NTM: variants seen among roughly 807,000 people sequenced by gnomAD.
NTM encodes the protein IgLON family member 2.
Under a neutral mutation model 42.1 loss-of-function variants are expected in NTM, and 13 were observed. The observed-to-expected ratio is 0.31, with a 90% CI of 0.20 to 0.49. The LOEUF is 0.49. Ranked by LOEUF, NTM falls within the 20% of genes least tolerant of loss-of-function variation. The probability of loss-of-function intolerance (pLI) is 0.99; values close to 1 mark genes in which losing one functional copy is unlikely to be tolerated. For missense variants in NTM, 373 were observed against 452.8 expected (o/e 0.82, Z 1.60); for synonymous variants, 187 against 179.2 (o/e 1.04, Z -0.35).
chr11:132,314,104 T>C (rs1363316567), intron 6 of NTM, among the ~76,000 whole-genome samples: 3 of 149,768 alleles, frequency 2.0e-5, no homozygotes, highest in Non-Finnish European at 4.5e-5. Flanking sequence ...AACATTTTTC[T>C]TTCAAATTCC....
intron 1 of NTM, among the ~76,000 whole-genome samples, chr11:131,829,738 T>C (rs2042576605): frequency 6.6e-6 from 1 of 152,176 alleles, no homozygotes; most frequent in African/African-American, 2.4e-5. Flanking sequence ...TAGTTCTTAG[T>C]TCTTTCAGAA....
chr11:131,859,528 G>A (rs2046413702), intron 1 of NTM, among the ~76,000 whole-genome samples: 1 of 152,150 alleles, frequency 6.6e-6, no homozygotes, highest in Non-Finnish European at 1.5e-5. Flanking sequence ...CAAGACTTGA[G>A]AGGGTGATGC....
chr11:131,763,574 C>T (rs934717119), intron 1 of NTM, among the ~76,000 whole-genome samples: 10 of 151,986 alleles, frequency 6.6e-5, no homozygotes, highest in African/African-American at 1.7e-4. Flanking sequence ...CTTTGTGTTT[C>T]GGGAGTGATA....
intron 1 of NTM, among the ~76,000 whole-genome samples, chr11:131,888,911 T>A (rs1404567889): frequency 6.6e-6 from 1 of 150,562 alleles, no homozygotes; most frequent in African/African-American, 2.4e-5. Context: ...CCTCTTTATT[T>A]TTTTTTTTTT....
At chr11:132,135,778 G>T (rs1000937999) in intron 2 of NTM, among the ~76,000 whole-genome samples, 13 of 152,218 alleles carry the variant, frequency 8.5e-5, no homozygotes, top group Non-Finnish European at 1.9e-4. Context: ...CTGGGCTGAA[G>T]GCTGACTTCC....
intron 2 of NTM, among the ~76,000 whole-genome samples, chr11:131,993,911 G>C (rs142524023): frequency 0.11 from 16,372 of 151,296 alleles, 1,173 homozygotes; most frequent in Non-Finnish European, 0.16. Flanking sequence ...GCTGAGGCAG[G>C]AGAATTGCTT....
chr11:132,233,508 T>G (rs922965945), intron 4 of NTM, among the ~76,000 whole-genome samples: 1 of 152,242 alleles, frequency 6.6e-6, no homozygotes, highest in Non-Finnish European at 1.5e-5. Context: ...TCACAATGAA[T>G]TTCATATTTT....
intron 1 of NTM, among the ~76,000 whole-genome samples, chr11:131,500,715 C>T (rs573082473): frequency 4.2e-4 from 58 of 139,686 alleles, no homozygotes; most frequent in African/African-American, 1.5e-3. Flanking sequence ...GCTATATCTC[C>T]TAATGCTATC....
intron 1 of NTM, among the ~76,000 whole-genome samples, chr11:131,635,022 G>A (rs984726735): frequency 1.7e-4 from 26 of 152,124 alleles, no homozygotes; most frequent in African/African-American, 5.6e-4. Context: ...ACAACAAGCC[G>A]CATATTCCAC....
At chr11:131,578,415 GA>G (rs1189424333) in intron 1 of NTM, among the ~76,000 whole-genome samples, 1 of 152,146 alleles carries the variant, frequency 6.6e-6, no homozygotes, top group Non-Finnish European at 1.5e-5. Context: ...ATGGGATAGA[GA>G]AAAAAGGCCA....
chr11:131,535,174 C>G (rs534546455), intron 1 of NTM: 1 of 152,314 alleles, frequency 6.6e-6, no homozygotes, highest in East Asian at 1.9e-4. Context: ...GGGCCCTCAG[C>G]AGAAGGAGGA....
At chr11:131,475,688 T>C (rs1177430636) in intron 1 of NTM, among the ~76,000 whole-genome samples, 2 of 152,188 alleles carry the variant, frequency 1.3e-5, no homozygotes, top group Non-Finnish European at 2.9e-5. Flanking sequence ...CACGAAGCCC[T>C]ACATTCATTT....
At chr11:132,127,738 A>G (rs565806161) in intron 2 of NTM, among the ~76,000 whole-genome samples, 9 of 152,310 alleles carry the variant, frequency 5.9e-5, no homozygotes, top group African/African-American at 1.9e-4. Flanking sequence ...ATTTATTGCC[A>G]TCCTGGGCTT....
At chr11:131,691,210 C>A (rs1470671610) in intron 1 of NTM, among the ~76,000 whole-genome samples, 2 of 152,206 alleles carry the variant, frequency 1.3e-5, no homozygotes, top group East Asian at 3.9e-4. Flanking sequence ...CCCGTCCCCC[C>A]GCAGTGCCAG....
At chr11:132,096,718 C>CT (rs1293108858) in intron 2 of NTM, among the ~76,000 whole-genome samples, 5 of 152,190 alleles carry the variant, frequency 3.3e-5, no homozygotes, top group Non-Finnish European at 5.9e-5. Flanking sequence ...TCTCCTCACT[C>CT]TTCATCTTCC....
intron 1 of NTM, among the ~76,000 whole-genome samples, chr11:131,673,108 G>A (rs1001651242): frequency 1.6e-4 from 25 of 152,142 alleles, no homozygotes; most frequent in African/African-American, 5.8e-4. Context: ...AAATAGATGG[G>A]GATGGAGAGG....
At chr11:132,110,986 A>G (rs1444710156) in intron 2 of NTM, among the ~76,000 whole-genome samples, 5 of 148,218 alleles carry the variant, frequency 3.4e-5, no homozygotes, top group Admixed American at 6.8e-5. Context: ...GAGGATTGAA[A>G]CCAGGAGGTC....
At chr11:131,732,293 C>G (rs116258608) in intron 1 of NTM, among the ~76,000 whole-genome samples, 2,148 of 152,278 alleles carry the variant, frequency 0.014, 53 homozygotes, top group African/African-American at 0.048. Flanking sequence ...CATTCCTGCT[C>G]TATTTATCTA....
At chr11:131,717,903 G>T (rs2077892816) in intron 1 of NTM, among the ~76,000 whole-genome samples, 1 of 152,100 alleles carries the variant, frequency 6.6e-6, no homozygotes, top group Admixed American at 6.5e-5. Flanking sequence ...TTGCTGAGAG[G>T]TTTATAAAAA....
Sources: allele counts gnomAD v4.1 joint callset (sites outside exome capture counted in the v4.1 genomes callset), GRCh38; gene constraint gnomAD v4.1.1; transcripts MANE v1.5; gene names NCBI Gene and HGNC (gene_info 2026-07-23, HGNC 2026-07-21).